TCF4: variants seen among roughly 807,000 people sequenced by gnomAD.
The protein encoded by TCF4 is SL3-3 enhancer factor 2.
In TCF4, 3 loss-of-function variants were observed where a neutral mutation model predicts 82.1. The ratio of observed to expected loss-of-function variants is 0.04; its 90% confidence interval spans 0.02 to 0.09. The LOEUF is 0.09. Ranked by LOEUF, TCF4 falls within the 10% of genes least tolerant of loss-of-function variation. The pLI is 1.00. For synonymous variants in TCF4, 276 were observed against 309.6 expected, an observed-to-expected ratio of 0.89 and a Z score of 1.14; for missense variants, 518 against 852.7, an observed-to-expected ratio of 0.61 and a Z score of 4.89.
At chr18:55,231,011 G>A (rs982136953) in intron 17 of TCF4, 3 of 152,246 alleles carry the variant, frequency 2.0e-5, no homozygotes, top group African/African-American at 7.2e-5. Flanking sequence ...GGCACTGTCT[G>A]CCACAGGTGT....
rs1260993452 is a variant in TCF4, at chr18:55,380,137, C to T, written c.369+23317G>A. On this transcript the variant is annotated intron_variant, in intron 6 of 19. Coordinates refer to ENST00000354452, the MANE Select transcript of TCF4 (RefSeq NM_001083962.2). ...GCTCAACTGATCCTCCTACCTCAACCTCCCAAAGTGCTTGGATTACAGGTG... is the reference window on the plus strand; with the variant it reads ...GCTCAACTGATCCTCCTACCTCAACTTCCCAAAGTGCTTGGATTACAGGTG... Among the ~76,000 whole-genome samples, 6 of 152,266 alleles carry T rather than the reference C, an allele frequency of 3.9e-5. No individual in the cohort carries two copies. In the East Asian group the frequency reaches 1.2e-3, roughly 29 times the overall value.
chr18:55,466,624 T>G, intron 3 of TCF4, among the ~76,000 whole-genome samples: 1 of 152,302 alleles, frequency 6.6e-6, no homozygotes, highest in East Asian at 1.9e-4. Flanking sequence ...GATTTATAAT[T>G]TAGTAAGAAC....
intron 13 of TCF4, 63 bp downstream of exon 13, chr18:55,259,886 G>A: frequency 7.1e-7 from 1 of 1,404,658 alleles, no homozygotes; most frequent in Non-Finnish European, 1.0e-6. Context: ...AAATCAGGAA[G>A]TACAAGGGGG....
intron 3 of TCF4, among the ~76,000 whole-genome samples, chr18:55,473,052 A>G (rs527905846): frequency 1.6e-4 from 25 of 152,234 alleles, no homozygotes; most frequent in Non-Finnish European, 3.4e-4. Flanking sequence ...TGTAATATTT[A>G]TAGTGCAAAA....
At chr18:55,281,077 A>G (rs1226575939) in intron 8 of TCF4, among the ~76,000 whole-genome samples, 5 of 152,194 alleles carry the variant, frequency 3.3e-5, no homozygotes, top group Non-Finnish European at 5.9e-5. Context: ...TAATGGATAC[A>G]AGCCCTATAT....
chr18:55,312,410 C>G (rs2072796095), intron 8 of TCF4, among the ~76,000 whole-genome samples: 1 of 152,296 alleles, frequency 6.6e-6, no homozygotes, highest in Non-Finnish European at 1.5e-5. Flanking sequence ...TTTGTCCTTT[C>G]TCATCTGTTT....
At chr18:55,606,260 C>A (rs749234615) in intron 2 of TCF4, among the ~76,000 whole-genome samples, 3 of 152,100 alleles carry the variant, frequency 2.0e-5, no homozygotes, top group Non-Finnish European at 2.9e-5. Context: ...ACACTTTCTT[C>A]CTTTGTCTAC....
At chr18:55,279,750 A>C (rs1204991093) in intron 8 of TCF4, 94 bp from the exon 9 acceptor site, 2 of 1,567,602 alleles carry the variant, frequency 1.3e-6, no homozygotes, top group Non-Finnish European at 1.7e-6. Flanking sequence ...AAAGTGCTAC[A>C]TTTCTACCCT....
chr18:55,261,640 A>G (rs2058099579), intron 11 of TCF4, 107 bp from the exon 12 acceptor site: 5 of 1,183,948 alleles, frequency 4.2e-6, no homozygotes, highest in Non-Finnish European at 6.3e-6. Context: ...AATGCTAATT[A>G]CAACACATTA....
At chr18:55,234,335 T>C in intron 16 of TCF4, 1 of 656,698 alleles carries the variant, frequency 1.5e-6, no homozygotes, top group East Asian at 2.7e-5. Context: ...AGGACCAGGA[T>C]TTCAGAGGAT....
At chr18:55,425,127 G>A (rs1603459160) in intron 5 of TCF4, among the ~76,000 whole-genome samples, 1 of 152,202 alleles carries the variant, frequency 6.6e-6, no homozygotes, top group African/African-American at 2.4e-5. Flanking sequence ...TTTATGTGAA[G>A]CTTCATGTAA....
intron 6 of TCF4, among the ~76,000 whole-genome samples, chr18:55,364,928 G>C (rs926842347): frequency 7.9e-5 from 12 of 151,500 alleles, no homozygotes; most frequent in African/African-American, 2.9e-4. Flanking sequence ...TGGGAACTGA[G>C]GCAGGCAGAT....
At chr18:55,543,026 GACCTGACTGTT>G (rs2097177584) in intron 3 of TCF4, among the ~76,000 whole-genome samples, 1 of 152,026 alleles carries the variant, frequency 6.6e-6, no homozygotes, top group South Asian at 2.1e-4. Flanking sequence ...AGATCACAGT[GACCTGACTGTT>G]CCCATTTTAC....
chr18:55,414,272 T>G (rs2094452030), intron 5 of TCF4, among the ~76,000 whole-genome samples: 1 of 152,022 alleles, frequency 6.6e-6, no homozygotes, highest in South Asian at 2.1e-4. Flanking sequence ...CAAAACAAAT[T>G]TTAAGGTAAC....
intron 3 of TCF4, among the ~76,000 whole-genome samples, chr18:55,518,117 A>G (rs956358184): frequency 4.6e-5 from 7 of 152,128 alleles, no homozygotes; most frequent in Non-Finnish European, 1.0e-4. Context: ...CAAGATTTAG[A>G]TCTTGAAACT....
chr18:55,439,936 T>G (rs1377113329), intron 5 of TCF4, among the ~76,000 whole-genome samples: 1 of 152,212 alleles, frequency 6.6e-6, no homozygotes, highest in South Asian at 2.1e-4. Context: ...GTTGGCCAGG[T>G]TGGTCTCGAA....
intron 15 of TCF4, among the ~76,000 whole-genome samples, chr18:55,249,595 G>A (rs981481465): frequency 1.1e-4 from 16 of 152,196 alleles, no homozygotes; most frequent in African/African-American, 3.9e-4. Flanking sequence ...GACTGGCAGG[G>A]AGCAATCTGC....
chr18:55,592,740 G>C (rs1213544054), upstream of TCF4, among the ~76,000 whole-genome samples: 1 of 152,156 alleles, frequency 6.6e-6, no homozygotes, highest in Admixed American at 6.5e-5. Context: ...CGCCCATCTT[G>C]TAGTCAGTGG....
intron 15 of TCF4, among the ~76,000 whole-genome samples, chr18:55,238,643 A>C (rs1354447850): frequency 6.6e-6 from 1 of 152,228 alleles, no homozygotes; most frequent in Non-Finnish European, 1.5e-5. Context: ...TTGGACTCAG[A>C]GAGCTCTTGG....
Sources: allele counts gnomAD v4.1 joint callset (sites outside exome capture counted in the v4.1 genomes callset), GRCh38; gene constraint gnomAD v4.1.1; transcripts MANE v1.5; gene names NCBI Gene and HGNC (gene_info 2026-07-23, HGNC 2026-07-21).